SPEG: variants seen among roughly 807,000 people sequenced by gnomAD.
SPEG encodes the protein striated muscle enriched protein kinase.
Under a neutral mutation model 300.4 loss-of-function variants are expected in SPEG, and 114 were observed. The ratio of observed to expected loss-of-function variants is 0.38; its 90% CI spans 0.33 to 0.44. The LOEUF is 0.44. SPEG is among the 20% of genes least tolerant of loss of function. The pLI is 1.00. For synonymous variants in SPEG, 1,964 were observed against 2,018.9 expected (o/e 0.97, Z 0.73); for missense variants, 4,201 against 4,586.2 (o/e 0.92, Z 2.43).
Position 219,443,028 on chromosome 2 carries a change from T to A in SPEG, c.389-1625T>A. Reference sequence around the variant, plus strand: ...CCAGGGAATGAGTTTCTGCTTGATGTTGCAGGTCTGGATGGGAGGCACAGG... The same window carrying A: ...CCAGGGAATGAGTTTCTGCTTGATGATGCAGGTCTGGATGGGAGGCACAGG... On this transcript the variant is annotated intron_variant, in intron 1 of 40. Coordinates refer to ENST00000312358, the MANE Select transcript of SPEG (RefSeq NM_005876.5). The surrounding 1 kb of genome is among the most constrained non-coding windows in gnomAD (Gnocchi z 4.6). 8.7e-7 allele frequency: 1 copy of A among 1,150,226 alleles called. No homozygotes were observed. 71.3% of individuals were successfully genotyped at this position (1,150,226 alleles called of 1,614,324 possible). A position where few individuals can be genotyped will look rare whatever the true frequency, so the allele number is the denominator to read the frequency against.
At chr2:219,466,539 C>T (rs1489744944) in intron 9 of SPEG, 4 of 1,068,216 alleles carry the variant, frequency 3.7e-6, no homozygotes, top group Non-Finnish European at 4.5e-6. Flanking sequence ...GGGCTGTTGA[C>T]AAAGGCCTTA....
At chr2:219,450,791 T>C (rs1364137479) in intron 4 of SPEG, 1 of 182,148 alleles carries the variant, frequency 5.5e-6, no homozygotes, top group Non-Finnish European at 1.1e-5. Context: ...GTGCCTTGCA[T>C]GGGGCCTGGT....
At position 219,472,211 on chromosome 2, in the gene SPEG, G is replaced by A. The variant is rs992640351; in HGVS notation, c.3836-16G>A. 16 of 1,612,210 alleles carry A rather than the reference G, an allele frequency of 9.9e-6. No individual in the cohort carries two copies. The highest frequency in any genetic ancestry group is 1.7e-4 in the Middle Eastern group (1 of 6,052). ...GGGCCCTTGGACCCAGCAGACATTC[G>A]AACTGCGGCTTTCAGATGTGGTCCC... is the stretch of plus-strand genomic sequence containing the variant. On this transcript the variant is annotated splice_polypyrimidine_tract_variant and intron_variant, in intron 14 of 40. Coordinates refer to ENST00000312358, the MANE Select transcript of SPEG (RefSeq NM_005876.5).
At chr2:219,488,941 G>A in intron 34 of SPEG, 41 bp downstream of exon 34, 1 of 1,588,130 alleles carries the variant, frequency 6.3e-7, no homozygotes, top group South Asian at 1.1e-5. Context: ...AGCGGCAGGG[G>A]GAGGGTAGAG....
At chr2:219,461,501 G>A in intron 6 of SPEG, 3 of 1,088,046 alleles carry the variant, frequency 2.8e-6, no homozygotes, top group Non-Finnish European at 3.3e-6. Flanking sequence ...TGCTTCCCCT[G>A]CTTTTGGAGC....
chr2:219,490,600 T>TAA lies in SPEG; in HGVS notation c.9113_9114insAA (p.Ala3039MetfsTer47), dbSNP rs760788931. The TAA allele has an allele frequency of 6.2e-7, 1 of 1,613,568 alleles. No individual in the cohort carries two copies. The highest frequency in any genetic ancestry group is 8.5e-7 in the Non-Finnish European group (1 of 1,179,514). On this transcript the variant is annotated frameshift_variant, in exon 37 of 41. Transcript: ENST00000312358. LOFTEE classifies it high-confidence loss of function. ...ATCACCCCTCGGTACCTCGTGCTCA[T>TAA]TGCTGAGAGCTGTGGCAACCGGGAA...
chr2:219,465,964 C>A, intron 9 of SPEG: 3 of 1,087,506 alleles, frequency 2.8e-6, no homozygotes, highest in Non-Finnish European at 4.1e-6. Flanking sequence ...TGTGCGTGTG[C>A]ATGCGTGTGT....
chr2:219,452,906 T>C (rs997620228), intron 6 of SPEG, among the ~76,000 whole-genome samples: 1 of 152,180 alleles, frequency 6.6e-6, no homozygotes, highest in Non-Finnish European at 1.5e-5. Context: ...AGTCTCGTGC[T>C]CCAGTAGAGC....
chr2:219,482,035 A>G (rs1559415831), intron 28 of SPEG: 4 of 378,896 alleles, frequency 1.1e-5, no homozygotes, highest in East Asian at 4.8e-5. Flanking sequence ...CTGGTCCCAC[A>G]CAATAGCGTT....
chr2:219,489,372 C>T lies in SPEG; in HGVS notation c.8354C>T (p.Ala2785Val), dbSNP rs759797101. Residue 2785 changes from alanine to valine, a missense_variant, in exon 36 of 41, where the codon GCC (alanine) becomes GTC (valine). This residue lies in a region of SPEG where 1,578 missense variants were observed against 1,506.0 expected (regional missense o/e 1.05). Coordinates refer to ENST00000312358, the MANE Select transcript of SPEG (RefSeq NM_005876.5). ...GTGCCATCTGCTGCCCACCAAGAGG[C>T]CCCTGTCACCTCAAGGCCAGCCAGG... The part of the protein sequence containing the change: ...SAVPSAAHQE[A>V]PVTSRPARAR... 3.7e-6 allele frequency: 6 copies of T among 1,613,616 alleles called. No individual in the cohort carries two copies. The highest frequency in any genetic ancestry group is 3.4e-6 in the Non-Finnish European group (4 of 1,179,858).
chr2:219,466,870 T>C (rs1691409295), intron 9 of SPEG: 1 of 1,114,702 alleles, frequency 9.0e-7, no homozygotes, highest in Non-Finnish European at 1.1e-6. Flanking sequence ...CTATCTGGTG[T>C]GTTGTGTTTT....
In SPEG at chr2:219,483,017, TC is replaced by T. The variant is rs1693001528; in HGVS notation, c.5635-77del. The T allele has an allele frequency of 3.4e-6, 5 of 1,475,710 alleles. No homozygotes were observed. The East Asian group carries it at 9.7e-5, about 29-fold the overall frequency. The allele number at this position is 1,475,710 out of a possible 1,614,324, so 91.4% of individuals were successfully genotyped here. On this transcript the variant is annotated intron_variant, in intron 29 of 40. Transcript: ENST00000312358. ...TGACCCTCTGCATGCTCAGGCCTCTTCCCCAGGGCTGAGGTGGGCCTGGGGG... is the reference window on the plus strand; with the variant it reads ...TGACCCTCTGCATGCTCAGGCCTCTTCCCAGGGCTGAGGTGGGCCTGGGGG...
At chr2:219,440,731 A>G (rs541372734) in intron 1 of SPEG, among the ~76,000 whole-genome samples, 1 of 152,226 alleles carries the variant, frequency 6.6e-6, no homozygotes, top group South Asian at 2.1e-4. Flanking sequence ...GGCTCCCTCA[A>G]TTTATTGGCC....
rs971953602 is a variant in SPEG, at chr2:219,458,071, C to T, written c.2441-3811C>T. Among the ~76,000 whole-genome samples the T allele has an allele frequency of 6.6e-5, 10 of 152,138 alleles. No individual in the cohort carries two copies. The highest frequency in any genetic ancestry group is 2.4e-4 in the African/African-American group (10 of 41,432). ...TGTCTTCCCCACCACCCAGAAGGCT[C>T]CTGAGGACATGACCATGTCTTTGCC... is the stretch of plus-strand genomic sequence containing the variant. On this transcript the variant is annotated intron_variant, in intron 6 of 40. Transcript: ENST00000312358. This position sits in a 1 kb window ranked among gnomAD's most constrained non-coding sequence, Gnocchi z 4.2.
intron 12 of SPEG, 52 bp from the exon 13 acceptor site, chr2:219,469,104 C>T (rs1575122631): frequency 1.9e-6 from 3 of 1,609,816 alleles, no homozygotes; most frequent in Non-Finnish European, 2.5e-6. Context: ...CAGCCCAGCC[C>T]TGGGGTGGGA....
rs1444818446 is a variant in SPEG at position 219,483,280 on chromosome 2, G to A, written c.5817G>A (p.Leu1939=). The change falls in exon 30 of 41, where the codon CTG becomes CTA. Residue 1939 remains leucine, a synonymous_variant. Transcript: ENST00000312358. The part of the protein sequence containing the change: ...LEELPSVPRP[L]QPEFSGSRVS... Reference sequence around the variant, plus strand: ...AGCTGCCCTCAGTGCCCCGCCCACTGCAGCCCGAGTTCTCTGGCTCCCGGG... The same window carrying A: ...AGCTGCCCTCAGTGCCCCGCCCACTACAGCCCGAGTTCTCTGGCTCCCGGG... 1 of 1,607,458 alleles carries A rather than the reference G, an allele frequency of 6.2e-7. No homozygotes were observed.
rs1692051539 is a variant in SPEG, at chr2:219,473,255, C to T, written c.4147+159C>T. ...CCATCTGTACACTTCCTTCTCCCTC[C>T]TGAAAGCAGCAGGGCACGGTGGCTG... On this transcript the variant is annotated intron_variant, in intron 16 of 40. Transcript: ENST00000312358. The surrounding 1 kb of genome is among the most constrained non-coding windows in gnomAD (Gnocchi z 4.6). 2 of 800,088 alleles carry T rather than the reference C, an allele frequency of 2.5e-6. No homozygotes were observed. The highest frequency in any genetic ancestry group is 3.9e-6 in the Non-Finnish European group (2 of 512,294). The allele number at this position is 800,088 out of a possible 1,614,324, so 49.6% of individuals were successfully genotyped here. A position where few individuals can be genotyped will look rare whatever the true frequency, so the allele number is the denominator to read the frequency against.
intron 1 of SPEG, among the ~76,000 whole-genome samples, chr2:219,440,326 T>C (rs1954827537): frequency 6.6e-6 from 1 of 152,176 alleles, no homozygotes; most frequent in East Asian, 1.9e-4. Context: ...TGGTCAAGGT[T>C]GCAGTGAGCC....
chr2:219,465,989 GT>G, intron 9 of SPEG: 1 of 1,356,060 alleles, frequency 7.4e-7, no homozygotes, highest in Non-Finnish European at 1.0e-6. Context: ...ATGTGTGTGT[GT>G]GCGCGTGCGT....
Sources: allele counts gnomAD v4.1 joint callset (sites outside exome capture counted in the v4.1 genomes callset), GRCh38; gene constraint gnomAD v4.1.1; regional missense constraint gnomAD v4.1.1; non-coding constraint Gnocchi (gnomAD v3.1); transcripts MANE v1.5; gene names NCBI Gene and HGNC (gene_info 2026-07-23, HGNC 2026-07-21).